The following PSD3 variants were observed in gnomAD, a reference collection of about 807,000 sequenced individuals.
PSD3 encodes the protein pleckstrin and Sec7 domain containing 3.
PSD3 carries 49 observed loss-of-function variants against 105.5 expected under a neutral mutation model. That is an observed-to-expected ratio of 0.46 (90% confidence interval 0.37 to 0.59). The LOEUF (loss-of-function observed/expected upper bound fraction) is 0.59. Ranked by LOEUF, PSD3 falls within the 20% of genes least tolerant of loss-of-function variation. The pLI is 0.00. For missense variants in PSD3, 1,561 were observed against 1,263.8 expected, an observed-to-expected ratio of 1.24 and a Z score of -3.57; for synonymous variants, 557 against 457.8, an observed-to-expected ratio of 1.22 and a Z score of -2.77.
chr8:18,535,670 C>A lies in PSD3; in HGVS notation c.*73G>T. ...CAGACTTTTTTTTTTTAAATATATT[C>A]ACGGATTACCAGAAAGATCTTGAAA... On this transcript the variant is annotated 3_prime_UTR_variant, in exon 16 of 16. Transcript: ENST00000327040. 4 of 1,220,828 alleles carry A rather than the reference C, an allele frequency of 3.3e-6. No individual in the cohort carries two copies. Among genetic ancestry groups the A allele is most frequent in the Admixed American group, 1.9e-5 (1 of 51,376 alleles). The allele number at this position is 1,220,828 out of a possible 1,614,324, so 75.6% of individuals were successfully genotyped here.
rs117105418 is a variant in PSD3 at position 18,748,057 on chromosome 8, C to T, written c.2172+17392G>A. Among the ~76,000 whole-genome samples the T allele has an allele frequency of 2.0e-4, 31 of 152,212 alleles. 1 individual carries two copies. The East Asian group carries it at 5.8e-3, about 29-fold the overall frequency. ...GAAATTGCTGATCTCTCATAAAACA[C>T]CCCTTGGCTTTCTGCCACCATAACT... On this transcript the variant is annotated intron_variant, in intron 9 of 15. Coordinates refer to ENST00000327040, the MANE Select transcript of PSD3 (RefSeq NM_015310.4).
chr8:18,546,697 A>T (rs1800470509), intron 15 of PSD3, among the ~76,000 whole-genome samples: 1 of 152,178 alleles, frequency 6.6e-6, no homozygotes, highest in Non-Finnish European at 1.5e-5. Context: ...TTATTATTAA[A>T]TACAATCACC....
At chr8:18,613,581 T>C (rs1019321839) in intron 11 of PSD3, among the ~76,000 whole-genome samples, 2 of 152,174 alleles carry the variant, frequency 1.3e-5, no homozygotes, top group East Asian at 3.9e-4. Flanking sequence ...AATTATTTTT[T>C]GAATCTTAAT....
At chr8:18,753,807 T>C (rs1233815200) in intron 9 of PSD3, among the ~76,000 whole-genome samples, 1 of 152,122 alleles carries the variant, frequency 6.6e-6, no homozygotes, top group Non-Finnish European at 1.5e-5. Flanking sequence ...GTAAACAAAA[T>C]GTAACATTTT....
At chr8:18,959,546 T>C (rs1194896495) in intron 1 of PSD3, among the ~76,000 whole-genome samples, 2 of 151,606 alleles carry the variant, frequency 1.3e-5, no homozygotes, top group Non-Finnish European at 2.9e-5. Flanking sequence ...TAAGCAACGG[T>C]GCTCATCTCC....
chr8:18,918,557 T>C (rs1820775751), intron 2 of PSD3, among the ~76,000 whole-genome samples: 1 of 152,178 alleles, frequency 6.6e-6, no homozygotes, highest in Non-Finnish European at 1.5e-5. Context: ...AGTAAATACT[T>C]CCAGGAATGT....
intron 2 of PSD3, among the ~76,000 whole-genome samples, chr8:18,898,669 A>G (rs972562132): frequency 2.0e-5 from 3 of 152,210 alleles, no homozygotes; most frequent in African/African-American, 7.2e-5. Flanking sequence ...TATGTATTAT[A>G]TACTTTATTT....
At chr8:18,827,729 G>A (rs1813315537) in intron 4 of PSD3, among the ~76,000 whole-genome samples, 1 of 151,918 alleles carries the variant, frequency 6.6e-6, no homozygotes, top group African/African-American at 2.4e-5. Context: ...AATCAATACA[G>A]GGTGGATGGA....
intron 9 of PSD3, among the ~76,000 whole-genome samples, chr8:18,697,331 T>C (rs1563179369): frequency 6.6e-6 from 1 of 152,156 alleles, no homozygotes; most frequent in Non-Finnish European, 1.5e-5. Flanking sequence ...GAATTGTCAG[T>C]ACTTTTACCA....
intron 9 of PSD3, among the ~76,000 whole-genome samples, chr8:18,719,358 T>C (rs1014198684): frequency 6.6e-6 from 1 of 152,224 alleles, no homozygotes; most frequent in Non-Finnish European, 1.5e-5. Context: ...ATCCAGACTT[T>C]TGCTTTATTC....
At chr8:18,617,125 G>C (rs1233100121) in intron 11 of PSD3, among the ~76,000 whole-genome samples, 1 of 152,180 alleles carries the variant, frequency 6.6e-6, no homozygotes, top group East Asian at 1.9e-4. Context: ...AACCTTCAGA[G>C]GGTGATGGGG....
chr8:18,633,668 G>A (rs78563208), intron 10 of PSD3, among the ~76,000 whole-genome samples: 3 of 152,098 alleles, frequency 2.0e-5, no homozygotes, highest in East Asian at 3.9e-4. Context: ...CCATTGAAGG[G>A]CATCTAGGTT....
intron 2 of PSD3, among the ~76,000 whole-genome samples, chr8:18,888,156 G>A (rs1484899191): frequency 1.3e-5 from 2 of 152,090 alleles, no homozygotes; most frequent in Non-Finnish European, 2.9e-5. Context: ...CAGAACCATC[G>A]CAAGCCAAAA....
intron 1 of PSD3, among the ~76,000 whole-genome samples, chr8:18,958,581 A>C (rs1480972188): frequency 1.3e-5 from 2 of 152,242 alleles, no homozygotes; most frequent in African/African-American, 4.8e-5. Flanking sequence ...AAGTTAATTC[A>C]ACATCAAAAA....
rs2131183 is a variant in PSD3, at chr8:18,806,934, G to T, written c.1635-2036C>A. ...TGCTAATGGGCATTGTTTCTTTTGG[G>T]GTGATGAAAGCATCCTTAAGACAGT... On this transcript the variant is annotated intron_variant, in intron 4 of 15. Coordinates refer to ENST00000327040, the MANE Select transcript of PSD3 (RefSeq NM_015310.4). Among the ~76,000 whole-genome samples the T allele has an allele frequency of 2.2e-4, 34 of 152,066 alleles. No individual in the cohort carries two copies. The South Asian group carries it at 5.2e-3, about 23-fold the overall frequency.
intron 1 of PSD3, among the ~76,000 whole-genome samples, chr8:19,074,605 ATATATATTTTTTT>A (rs1563546559): frequency 0.11 from 2,052 of 18,338 alleles, 50 homozygotes; most frequent in Non-Finnish European, 0.17. Flanking sequence ...ATATATATAT[ATATATATTTTTTT>A]TTTTTTTTTT....
chr8:18,579,422 T>C (rs1347940492), intron 12 of PSD3, among the ~76,000 whole-genome samples: 1 of 152,178 alleles, frequency 6.6e-6, no homozygotes, highest in African/African-American at 2.4e-5. Context: ...ATCTAATTAC[T>C]ATCCATTTTC....
rs1250866141 is a variant in PSD3, at chr8:18,533,513, T to A, written c.*2230A>T. The A allele has an allele frequency of 6.6e-6, 1 of 152,158 alleles. No individual in the cohort carries two copies. Among genetic ancestry groups the A allele is most frequent in the Admixed American group, 6.5e-5 (1 of 15,270 alleles). 9.4% of individuals were successfully genotyped at this position (152,158 alleles called of 1,614,324 possible). A position where few individuals can be genotyped will look rare whatever the true frequency, so the allele number is the denominator to read the frequency against. On this transcript the variant is annotated 3_prime_UTR_variant, in exon 16 of 16. Transcript: ENST00000327040. ...TGCTAGCCGAGTATTTCAACACTACTCTAAATGTCAGAAATACTGTAGCAA... is the reference window on the plus strand; with the variant it reads ...TGCTAGCCGAGTATTTCAACACTACACTAAATGTCAGAAATACTGTAGCAA...
intron 6 of PSD3, among the ~76,000 whole-genome samples, chr8:18,801,714 C>G (rs1213613241): frequency 6.6e-6 from 1 of 152,042 alleles, no homozygotes. Context: ...CCTGTAATCC[C>G]AGCTACTCAG....
Sources: allele counts gnomAD v4.1 joint callset (sites outside exome capture counted in the v4.1 genomes callset), GRCh38; gene constraint gnomAD v4.1.1; transcripts MANE v1.5; gene names NCBI Gene and HGNC (gene_info 2026-07-23, HGNC 2026-07-21).